The following LMF1 variants were observed in gnomAD, a reference collection of about 807,000 sequenced individuals.
LMF1 encodes the protein transmembrane protein 112.
Under a neutral mutation model 60.6 loss-of-function variants are expected in LMF1, and 68 were observed. That is an observed-to-expected ratio of 1.12 (90% confidence interval 0.92 to 1.37). The LOEUF is 1.37. LMF1 is among the 40% of genes most tolerant of loss of function. LMF1 has a pLI of 0.00. For missense variants in LMF1, 948 were observed against 767.2 expected (o/e 1.24, Z -2.78); for synonymous variants, 418 against 324.7 (o/e 1.29, Z -3.09).
chr16:870,249 T>C (rs546033996), intron 8 of LMF1, among the ~76,000 whole-genome samples, 183 bp from the exon 9 acceptor site: 1 of 152,276 alleles, frequency 6.6e-6, no homozygotes, highest in South Asian at 2.1e-4. Flanking sequence ...TTTTGGGAAC[T>C]GTGGCCCCAG....
chr16:868,788 GCC>G (rs2069685392), intron 10 of LMF1, among the ~76,000 whole-genome samples, 154 bp downstream of exon 10: 1 of 136,218 alleles, frequency 7.3e-6, no homozygotes, highest in Non-Finnish European at 1.6e-5. Context: ...GGGGGGGGGG[GCC>G]CTTTTTGCTC....
intron 2 of LMF1, among the ~76,000 whole-genome samples, chr16:939,248 C>CA (rs2072029216): frequency 1.8e-5 from 2 of 113,404 alleles, no homozygotes; most frequent in South Asian, 3.3e-4. Flanking sequence ...AGGACAACAG[C>CA]ACGCTGTCCC....
Position 870,084 on chromosome 16 carries a change from C to G in LMF1, c.1233-18G>C, listed in dbSNP as rs778910563. The G allele has an allele frequency of 6.3e-7, 1 of 1,599,758 alleles. No individual in the cohort carries two copies. The highest frequency in any genetic ancestry group is 1.7e-5 in the Admixed American group (1 of 59,772). The stretch of plus-strand genomic sequence containing the variant: ...TGGTGATGCTGCCGGGAGACCGAGG[C>G]AGGCCAGGCCCACGTCACACACCGG... On this transcript the variant is annotated intron_variant, in intron 8 of 10. Coordinates refer to ENST00000262301, the MANE Select transcript of LMF1 (RefSeq NM_022773.4).
intron 1 of LMF1, among the ~76,000 whole-genome samples, chr16:967,183 A>G (rs1466581151): frequency 6.6e-6 from 1 of 152,212 alleles, no homozygotes; most frequent in Non-Finnish European, 1.5e-5. Flanking sequence ...GGACCTGGCC[A>G]GGCCCCCTGG....
intron 5 of LMF1, among the ~76,000 whole-genome samples, chr16:887,697 C>A (rs970782645): frequency 2.6e-5 from 4 of 152,200 alleles, no homozygotes; most frequent in African/African-American, 7.2e-5. Context: ...TGGCCTCTAG[C>A]CTCCGAGAGC....
At chr16:975,312 C>T (rs186133759), upstream of LMF1, among the ~76,000 whole-genome samples, 19 of 152,184 alleles carry the variant, frequency 1.2e-4, no homozygotes, top group African/African-American at 3.6e-4. Flanking sequence ...TGTTAGGAAA[C>T]GAATGTGTAA....
chr16:978,911 C>T, intron 1 of LMF1: 9 of 446,130 alleles, frequency 2.0e-5, no homozygotes, highest in South Asian at 1.4e-4. Flanking sequence ...AACACGCTGG[C>T]CTCTCCCTGC....
chr16:946,903 G>C (rs2072250889), intron 2 of LMF1, among the ~76,000 whole-genome samples: 1 of 152,252 alleles, frequency 6.6e-6, no homozygotes, highest in African/African-American at 2.4e-5. Flanking sequence ...TGCACCAGCA[G>C]ACACACACAG....
At chr16:977,059 C>T (rs753584153) in intron 1 of LMF1, 1 of 454,028 alleles carries the variant, frequency 2.2e-6, no homozygotes, top group Admixed American at 2.3e-5. Context: ...GCAGCAGGGC[C>T]AGCTCTGGCT....
chr16:926,042 G>C (rs1015834884), intron 3 of LMF1, among the ~76,000 whole-genome samples: 1 of 152,116 alleles, frequency 6.6e-6, no homozygotes, highest in African/African-American at 2.4e-5. Flanking sequence ...ACCTGTGTGC[G>C]CATGTGTGCA....
rs762677583 is a variant in LMF1 at position 871,161 on chromosome 16, C to G, written c.1078G>C (p.Gly360Arg). The change falls in exon 7 of 11, where the codon GGC becomes CGC. Residue 360 changes from glycine (G) to arginine (R), a missense_variant and splice_region_variant. By Grantham distance (125) the Gly-to-Arg change is moderately radical. Coordinates refer to ENST00000262301, the MANE Select transcript of LMF1 (RefSeq NM_022773.4). Reference protein sequence around the residue: ...IRGARPEPRFGSVVRRAANVS... With the variant: ...IRGARPEPRFRSVVRRAANVS... The stretch of plus-strand genomic sequence containing the variant: ...AGGGGCCCCCAGCTGAGCCACCTAC[C>G]GAATCTGGGCTCGGGCCGGGCCCCT... The G allele has an allele frequency of 1.0e-5, 16 of 1,582,916 alleles. No individual in the cohort carries two copies. The highest frequency in any genetic ancestry group is 7.1e-5 in the Admixed American group (4 of 56,682).
intron 5 of LMF1, among the ~76,000 whole-genome samples, chr16:888,317 T>C (rs981042243): frequency 3.0e-4 from 46 of 152,178 alleles, no homozygotes; most frequent in African/African-American, 1.1e-3. Context: ...AATCAGAGTG[T>C]TGGATTTCCC....
intron 2 of LMF1, chr16:947,718 C>A (rs1165443552): frequency 2.1e-5 from 8 of 385,122 alleles, no homozygotes; most frequent in Non-Finnish European, 3.6e-5. Flanking sequence ...AAGCAGCCTG[C>A]AGGGCCACTG....
intron 10 of LMF1, among the ~76,000 whole-genome samples, chr16:860,685 G>A (rs1187666648): frequency 6.6e-6 from 1 of 152,078 alleles, no homozygotes; most frequent in African/African-American, 2.4e-5. Flanking sequence ...TCCAGGATCC[G>A]TTTTGAGTTA....
chr16:966,095 G>A (rs1265196633), intron 1 of LMF1, among the ~76,000 whole-genome samples: 1 of 152,182 alleles, frequency 6.6e-6, no homozygotes, highest in African/African-American at 2.4e-5. Context: ...CCAGAAGGGT[G>A]TCGGCAGCCA....
chr16:972,376 T>G (rs964436611), upstream of LMF1, among the ~76,000 whole-genome samples: 2 of 152,340 alleles, frequency 1.3e-5, no homozygotes, highest in East Asian at 1.9e-4. Context: ...GGTGTGTGCC[T>G]GAGGGCTCGG....
In LMF1 at chr16:878,308, G is replaced by A. The variant is rs1212582350; in HGVS notation, c.897+1262C>T. ...TGCCCACAGGGAAATCACCTGATGG[G>A]CACCGGTGCCAGCCTCCAAGCAGCT... On this transcript the variant is annotated intron_variant, in intron 6 of 10. Coordinates refer to ENST00000262301, the MANE Select transcript of LMF1 (RefSeq NM_022773.4). This position sits in a 1 kb window ranked among gnomAD's most constrained non-coding sequence, Gnocchi z 5.2. Among the ~76,000 whole-genome samples, 1 of 152,096 alleles carries A rather than the reference G, an allele frequency of 6.6e-6. No homozygotes were observed. The highest frequency in any genetic ancestry group is 1.5e-5 in the Non-Finnish European group (1 of 68,014).
chr16:892,849 C>T (rs2070530296), intron 5 of LMF1, among the ~76,000 whole-genome samples, 158 bp downstream of exon 5: 1 of 152,220 alleles, frequency 6.6e-6, no homozygotes, highest in East Asian at 1.9e-4. Context: ...CGTGTGACCA[C>T]CCACCCCGTG....
rs779637596 is a variant in LMF1 at position 954,611 on chromosome 16, C to T, written c.249G>A (p.Gly83=). The T allele has an allele frequency of 8.7e-6, 14 of 1,609,608 alleles. No individual in the cohort carries two copies. The East Asian group carries it at 2.7e-4, about 31-fold the overall frequency. The change falls in exon 2 of 11, where the codon GGG becomes GGA. Residue 83 remains glycine, a synonymous_variant. Transcript: ENST00000262301. ...HQNKQLIGDR[G]LLPCRVFLKN... The stretch of plus-strand genomic sequence containing the variant: ...TCAGGAACACTCTGCAGGGAAGCAG[C>T]CCCCTGTCACCGATGAGCTGCTTGT...
Sources: gnomAD v4.1 joint callset for allele counts (sites outside exome capture counted in the v4.1 genomes callset) on GRCh38, gnomAD v4.1.1 for gene constraint, Gnocchi (gnomAD v3.1) non-coding constraint, MANE v1.5 for transcripts, NCBI Gene and HGNC (gene_info 2026-07-23, HGNC 2026-07-21) for gene names.